Variants in EYS observed in about 807,000 individuals in gnomAD.
The protein encoded by EYS is protein eyes shut homolog.
EYS carries 250 observed loss-of-function variants against 282.1 expected under a neutral mutation model. The observed-to-expected ratio is 0.89, with a 90% CI of 0.80 to 0.98. EYS has a LOEUF of 0.98. EYS is among the 50% of genes least tolerant of loss of function. EYS has a pLI of 0.00. For missense variants in EYS, 4,016 were observed against 3,709.0 expected (o/e 1.08, Z -2.15); for synonymous variants, 1,355 against 1,282.9 (o/e 1.06, Z -1.20).
At chr6:65,389,292 C>A (rs555565101) in intron 7 of EYS, among the ~76,000 whole-genome samples, 2 of 152,260 alleles carry the variant, frequency 1.3e-5, no homozygotes, top group Non-Finnish European at 2.9e-5. Context: ...AACTTCATTT[C>A]TGCTACTTCC....
intron 33 of EYS, among the ~76,000 whole-genome samples, chr6:64,058,493 A>G (rs1771060062): frequency 6.6e-6 from 1 of 152,176 alleles, no homozygotes; most frequent in African/African-American, 2.4e-5. Context: ...AGCTAGGGGG[A>G]CTACAGAAGT....
At chr6:64,507,161 AT>A (rs1189057179) in intron 26 of EYS, among the ~76,000 whole-genome samples, 7 of 152,030 alleles carry the variant, frequency 4.6e-5, no homozygotes, top group Middle Eastern at 3.4e-3. Context: ...CCTCTAAAGG[AT>A]TTTTTAATAG....
intron 13 of EYS, among the ~76,000 whole-genome samples, chr6:65,022,006 C>T (rs1030039649): frequency 6.6e-6 from 1 of 152,192 alleles, no homozygotes. Flanking sequence ...GTCCCTCCCA[C>T]AACATGTGGG....
intron 12 of EYS, among the ~76,000 whole-genome samples, chr6:65,140,536 C>T (rs938784739): frequency 6.6e-6 from 1 of 151,526 alleles, no homozygotes; most frequent in South Asian, 2.1e-4. Flanking sequence ...AAAGAAACTA[C>T]CATCAGAGTG....
At chr6:64,608,677 T>G (rs1373983646) in intron 24 of EYS, among the ~76,000 whole-genome samples, 6 of 152,096 alleles carry the variant, frequency 3.9e-5, no homozygotes, top group African/African-American at 1.4e-4. Flanking sequence ...CTTTAGTAGG[T>G]TGAACGGATA....
At chr6:65,194,602 T>G (rs1041874698) in intron 12 of EYS, among the ~76,000 whole-genome samples, 2 of 151,940 alleles carry the variant, frequency 1.3e-5, no homozygotes, top group African/African-American at 2.4e-5. Context: ...CCAGCAGAAA[T>G]CACGTTCATT....
chr6:65,251,913 G>A (rs892801489), intron 12 of EYS, among the ~76,000 whole-genome samples: 3 of 151,658 alleles, frequency 2.0e-5, no homozygotes, highest in African/African-American at 7.3e-5. Context: ...CTTTTTCTTT[G>A]TACCAGCCTT....
intron 27 of EYS, among the ~76,000 whole-genome samples, chr6:64,438,693 G>A (rs867949866): frequency 9.5e-4 from 144 of 151,682 alleles, no homozygotes; most frequent in African/African-American, 3.3e-3. Flanking sequence ...ATCATGTACC[G>A]TTTGAAATAT....
intron 1 of EYS, among the ~76,000 whole-genome samples, chr6:65,653,898 G>A (rs1308409171): frequency 6.6e-6 from 1 of 151,906 alleles, no homozygotes; most frequent in Non-Finnish European, 1.5e-5. Context: ...GCAACTTCCA[G>A]AAGCAAAAAT....
At chr6:64,051,564 T>C (rs561658098) in intron 33 of EYS, among the ~76,000 whole-genome samples, 10 of 152,276 alleles carry the variant, frequency 6.6e-5, no homozygotes, top group Admixed American at 6.5e-4. Flanking sequence ...ATAAATCCCA[T>C]ATGCATTAGG....
intron 31 of EYS, among the ~76,000 whole-genome samples, chr6:64,148,446 A>G (rs1174043380): frequency 6.6e-6 from 1 of 152,142 alleles, no homozygotes; most frequent in Non-Finnish European, 1.5e-5. Flanking sequence ...TACAGAGAGA[A>G]TAGGCATTTT....
intron 35 of EYS, among the ~76,000 whole-genome samples, chr6:63,906,938 A>G (rs940056940): frequency 2.0e-5 from 3 of 151,998 alleles, no homozygotes; most frequent in Admixed American, 2.0e-4. Flanking sequence ...GGGGAGCAAT[A>G]ATGAAAAAAC....
At chr6:65,530,284 T>G (rs578214929) in intron 2 of EYS, among the ~76,000 whole-genome samples, 1 of 152,296 alleles carries the variant, frequency 6.6e-6, no homozygotes, top group African/African-American at 2.4e-5. Flanking sequence ...TATCAAACTC[T>G]AAATTCACAT....
At chr6:65,240,594 T>C (rs1767033322) in intron 12 of EYS, among the ~76,000 whole-genome samples, 1 of 152,164 alleles carries the variant, frequency 6.6e-6, no homozygotes, top group Non-Finnish European at 1.5e-5. Flanking sequence ...GCTACATCCA[T>C]GTCACTGCAA....
At chr6:65,122,056 C>A (rs980653377) in intron 12 of EYS, among the ~76,000 whole-genome samples, 2 of 151,954 alleles carry the variant, frequency 1.3e-5, no homozygotes, top group Non-Finnish European at 1.5e-5. Context: ...CCACCTATGT[C>A]TTTTAGATAA....
intron 26 of EYS, among the ~76,000 whole-genome samples, chr6:64,446,067 T>C (rs1775107186): frequency 6.6e-6 from 1 of 152,226 alleles, no homozygotes; most frequent in African/African-American, 2.4e-5. Flanking sequence ...CCTCCCTGTT[T>C]CTCTTTATAT....
intron 35 of EYS, among the ~76,000 whole-genome samples, chr6:63,905,612 A>G (rs912436600): frequency 6.6e-5 from 10 of 152,096 alleles, no homozygotes; most frequent in East Asian, 1.9e-4. Context: ...TTACAGGCGT[A>G]AGCCACCGCG....
At chr6:64,422,983 T>G (rs1380766892) in intron 28 of EYS, among the ~76,000 whole-genome samples, 3 of 152,188 alleles carry the variant, frequency 2.0e-5, no homozygotes, top group Non-Finnish European at 2.9e-5. Context: ...TTTTATTTTT[T>G]GGTTTTTCTT....
chr6:65,627,385 C>T (rs1766742862), intron 2 of EYS, among the ~76,000 whole-genome samples: 1 of 152,160 alleles, frequency 6.6e-6, no homozygotes, highest in Non-Finnish European at 1.5e-5. Context: ...ACATCCCTCG[C>T]TCGCTCTCGG....
Sources: gnomAD v4.1 joint callset for allele counts (sites outside exome capture counted in the v4.1 genomes callset) on GRCh38, gnomAD v4.1.1 for gene constraint, MANE v1.5 for transcripts, NCBI Gene and HGNC (gene_info 2026-07-23, HGNC 2026-07-21) for gene names.